Variants in PEX10 observed in about 807,000 individuals in gnomAD.
PEX10 encodes peroxisome biogenesis factor 10.
Under a neutral mutation model 38.0 loss-of-function variants are expected in PEX10, and 32 were observed. That is an observed-to-expected ratio of 0.84 (90% CI 0.63 to 1.13). The LOEUF (loss-of-function observed/expected upper bound fraction) is 1.13. Among genes scored for constraint, PEX10 ranks in the 50% most tolerant of loss-of-function variants. PEX10 has a pLI of 0.00. For synonymous variants in PEX10, 206 were observed against 207.3 expected, an observed-to-expected ratio of 0.99 and a Z score of 0.05; for missense variants, 483 against 457.7, an observed-to-expected ratio of 1.06 and a Z score of -0.51.
Position 2,409,521 on chromosome 1 carries a change from C to T in PEX10, c.194-663G>A, listed in dbSNP as rs1643117049. On this transcript the variant is annotated intron_variant, in intron 2 of 5. Transcript: ENST00000447513. The surrounding 1 kb of genome is among the most constrained non-coding windows in gnomAD (Gnocchi z 6.2). ...CTGCCGCCCCTGCTCTGTACCACCA[C>T]CATCCTGTGGGGGACTGTCACAGCC... Among the ~76,000 whole-genome samples, 2 of 152,212 alleles carry T rather than the reference C, an allele frequency of 1.3e-5. No homozygotes were observed. Among genetic ancestry groups the T allele is most frequent in the South Asian group, 4.1e-4 (2 of 4,836 alleles).
chr1:2,406,387 G>A, intron 5 of PEX10, 97 bp downstream of exon 5: 1 of 1,512,490 alleles, frequency 6.6e-7, no homozygotes, highest in African/African-American at 1.4e-5. Context: ...AAACTGGAGG[G>A]TGCTCAGAGC....
At chr1:2,408,907 G>A (rs1029570990) in intron 2 of PEX10, 49 bp from the exon 3 acceptor site, 1 of 1,592,032 alleles carries the variant, frequency 6.3e-7, no homozygotes, top group Non-Finnish European at 8.6e-7. Context: ...CTGCCGCGGG[G>A]ACAGGCTCCC....
intron 4 of PEX10, 38 bp downstream of exon 4, chr1:2,406,682 G>C (rs1643014479): frequency 6.2e-7 from 1 of 1,610,698 alleles, no homozygotes; most frequent in African/African-American, 1.3e-5. Flanking sequence ...GAAGTGCCCA[G>C]GACACCCCCA....
chr1:2,411,577 T>A (rs1362247488), intron 1 of PEX10, among the ~76,000 whole-genome samples: 2 of 151,556 alleles, frequency 1.3e-5, no homozygotes, highest in East Asian at 3.9e-4. Context: ...TCTGGCCCCG[T>A]CGCCCAGGCT....
rs916827716 is a variant in PEX10 at position 2,405,553 on chromosome 1, A to G, written c.*213T>C. 3 of 670,412 alleles carry G rather than the reference A, an allele frequency of 4.5e-6. No individual in the cohort carries two copies. The highest frequency in any genetic ancestry group is 3.6e-5 in the African/African-American group (2 of 56,320). 41.5% of individuals were successfully genotyped at this position (670,412 alleles called of 1,614,324 possible). A position where few individuals can be genotyped will look rare whatever the true frequency, so the allele number is the denominator to read the frequency against. Reference sequence around the variant, plus strand: ...AGTCCTACCAGGTTGGGGTTAGGGAAATGTTCTGGGTTCAGGCGCCCCTCC... The same window carrying G: ...AGTCCTACCAGGTTGGGGTTAGGGAGATGTTCTGGGTTCAGGCGCCCCTCC... On this transcript the variant is annotated 3_prime_UTR_variant, in exon 6 of 6. Coordinates refer to ENST00000447513, the MANE Select transcript of PEX10 (RefSeq NM_002617.4).
In PEX10 at chr1:2,412,410, G is replaced by C. The variant is rs1027184356; in HGVS notation, c.93C>G (p.Gly31=). 4 of 1,404,868 alleles carry C rather than the reference G, an allele frequency of 2.8e-6. No homozygotes were observed. The highest frequency in any genetic ancestry group is 3.1e-5 in the East Asian group (1 of 32,516). The allele number at this position is 1,404,868 out of a possible 1,614,324, so 87.0% of individuals were successfully genotyped here. A position where few individuals can be genotyped will look rare whatever the true frequency, so the allele number is the denominator to read the frequency against. ...YRGGLRSAAG[G]ALHSLAGARK... ...CCTCACCCGCCAGGCTGTGCAGGGCGCCGCCCGCCGCGCTCCGCAGCCCAC... is the reference window on the plus strand; with the variant it reads ...CCTCACCCGCCAGGCTGTGCAGGGCCCCGCCCGCCGCGCTCCGCAGCCCAC... The change falls in exon 1 of 6, where the codon GGC becomes GGG. Residue 31 remains glycine (G), a synonymous_variant. Coordinates refer to ENST00000447513, the MANE Select transcript of PEX10 (RefSeq NM_002617.4).
chr1:2,408,352 G>T, intron 3 of PEX10, 100 bp downstream of exon 3: 1 of 1,277,386 alleles, frequency 7.8e-7, no homozygotes, highest in Non-Finnish European at 1.1e-6. Context: ...GAACCCTGTT[G>T]GCTGAGAGGC....
Position 2,409,948 on chromosome 1 carries a change from GGTTGGGAGCCT to G in PEX10, c.193+412_193+422del. 1 of 254,870 alleles carries G rather than the reference GGTTGGGAGCCT, an allele frequency of 3.9e-6. No homozygotes were observed. Among genetic ancestry groups the G allele is most frequent in the Non-Finnish European group, 7.9e-6 (1 of 126,610 alleles). The allele number at this position is 254,870 out of a possible 1,614,324, so 15.8% of individuals were successfully genotyped here. A position where few individuals can be genotyped will look rare whatever the true frequency, so the allele number is the denominator to read the frequency against. On this transcript the variant is annotated intron_variant, in intron 2 of 5. Coordinates refer to ENST00000447513, the MANE Select transcript of PEX10 (RefSeq NM_002617.4). This position sits in a 1 kb window ranked among gnomAD's most constrained non-coding sequence, Gnocchi z 6.2. The stretch of plus-strand genomic sequence containing the variant: ...TGGTCCTTGCTACATGCTGAGCTGG[GGTTGGGAGCCT>G]GAGAGCTTCTGTCAACAACTCCCTC...
upstream of PEX10, among the ~76,000 whole-genome samples, chr1:2,412,775 G>C (rs1330975066): frequency 2.0e-5 from 3 of 151,916 alleles, no homozygotes; most frequent in East Asian, 1.9e-4. Context: ...AGCCGAGGTG[G>C]GGGCGGGGCA....
In PEX10 at chr1:2,406,750, C is replaced by A; in HGVS notation, c.746G>T (p.Trp249Leu). 1 of 1,609,724 alleles carries A rather than the reference C, an allele frequency of 6.2e-7. No homozygotes were observed. The highest frequency in any genetic ancestry group is 8.5e-7 in the Non-Finnish European group (1 of 1,178,678). Residue 249 changes from tryptophan to leucine, a missense_variant, in exon 4 of 6, where the codon TGG becomes TTG. By Grantham distance (61) the Trp-to-Leu change is moderately conservative (BLOSUM62 -2). Coordinates refer to ENST00000447513, the MANE Select transcript of PEX10 (RefSeq NM_002617.4). ...FRQRQRARKE[W>L]RLHRGLSHRR... is the part of the protein sequence containing the mutation. ...GTGAGACAGGCCGCGGTGCAGCCTCCACTCCTTCCTGGCTCGCTGCCGCTG... is the reference window on the plus strand; with the variant it reads ...GTGAGACAGGCCGCGGTGCAGCCTCAACTCCTTCCTGGCTCGCTGCCGCTG...
chr1:2,408,965 T>A, intron 2 of PEX10, 107 bp from the exon 3 acceptor site: 1 of 1,130,270 alleles, frequency 8.8e-7, no homozygotes, highest in South Asian at 1.3e-5. Context: ...AACAGCCCCA[T>A]CTTGTCGCCC....
At position 2,406,793 on chromosome 1, in the gene PEX10, G is replaced by A. The variant is rs1295555837; in HGVS notation, c.703C>T (p.Gln235Ter). Reference sequence around the variant, plus strand: ...TGCCGCTGCCTGAAACCGTACAGCTGCAGCCCCATGGACAGCACCAGGTGC... The same window carrying A: ...TGCCGCTGCCTGAAACCGTACAGCTACAGCCCCATGGACAGCACCAGGTGC... ...LLHLVLSMGL[Q>*]LYGFRQRQRA... Residue 235 changes from glutamine (Q) to a stop codon, truncating the protein, a stop_gained, in exon 4 of 6, where the codon CAG becomes TAG. Transcript: ENST00000447513. LOFTEE classifies it high-confidence loss of function. The A allele has an allele frequency of 2.5e-6, 4 of 1,610,758 alleles. No homozygotes were observed. Among genetic ancestry groups the A allele is most frequent in the Non-Finnish European group, 3.4e-6 (4 of 1,179,032 alleles).
rs539764213 is a variant in PEX10 at position 2,410,135 on chromosome 1, G to A, written c.193+236C>T. The A allele has an allele frequency of 2.7e-5, 14 of 523,100 alleles. No homozygotes were observed. Among genetic ancestry groups the A allele is most frequent in the Admixed American group, 1.2e-4 (4 of 32,678 alleles). The allele number at this position is 523,100 out of a possible 1,614,324, so 32.4% of individuals were successfully genotyped here. A position where few individuals can be genotyped will look rare whatever the true frequency, so the allele number is the denominator to read the frequency against. On this transcript the variant is annotated intron_variant, in intron 2 of 5. Transcript: ENST00000447513. This position sits in a 1 kb window ranked among gnomAD's most constrained non-coding sequence, Gnocchi z 5.1. ...TGAGAAATGGGTCTCAGTGGCACCC[G>A]GGGTAAAGTCTTAAACAAAGAACCC... is the stretch of plus-strand genomic sequence containing the variant.
In PEX10 at chr1:2,410,204, C is replaced by G; in HGVS notation, c.193+167G>C. 3 of 670,916 alleles carry G rather than the reference C, an allele frequency of 4.5e-6. No individual in the cohort carries two copies. Among genetic ancestry groups the G allele is most frequent in the Non-Finnish European group, 2.7e-6 (1 of 366,382 alleles). 41.6% of individuals were successfully genotyped at this position (670,916 alleles called of 1,614,324 possible). ...GGAAAAGTCGGCTCCCTGCTGGGAGCAGATGCCTCGCCTCCCTCGGAGCAG... is the reference window on the plus strand; with the variant it reads ...GGAAAAGTCGGCTCCCTGCTGGGAGGAGATGCCTCGCCTCCCTCGGAGCAG... On this transcript the variant is annotated intron_variant, in intron 2 of 5. Coordinates refer to ENST00000447513, the MANE Select transcript of PEX10 (RefSeq NM_002617.4). This position sits in a 1 kb window ranked among gnomAD's most constrained non-coding sequence, Gnocchi z 5.1.
At chr1:2,406,686 A>G (rs1570099455) in intron 4 of PEX10, 34 bp downstream of exon 4, 1 of 1,609,946 alleles carries the variant, frequency 6.2e-7, no homozygotes, top group Non-Finnish European at 8.5e-7. Flanking sequence ...TGCCCAGGAC[A>G]CCCCCAGCCC....
Position 2,405,723 on chromosome 1 carries a change from TC to T in PEX10, c.*42del, listed in dbSNP as rs753621056. The T allele has an allele frequency of 5.2e-5, 78 of 1,514,144 alleles. 3 individuals are homozygous for T. In the South Asian group the frequency reaches 8.7e-4, roughly 17 times the overall value. The allele number at this position is 1,514,144 out of a possible 1,614,324, so 93.8% of individuals were successfully genotyped here. A position where few individuals can be genotyped will look rare whatever the true frequency, so the allele number is the denominator to read the frequency against. On this transcript the variant is annotated 3_prime_UTR_variant, in exon 6 of 6. Transcript: ENST00000447513. ...TGAGACTAAATCTTGGCGTTCAGAC[TC>T]CCGTAGAGGTCATCTGTGTCCAGGC...
rs1642945684 is a variant in PEX10, at chr1:2,404,869, A to G, written c.*897T>C. On this transcript the variant is annotated 3_prime_UTR_variant, in exon 6 of 6. Transcript: ENST00000447513. Reference sequence around the variant, plus strand: ...ATGCCTACGGTGAACTCTCTGGCGCAGGTTAAATGCAGTTTTGAAAACCTG... The same window carrying G: ...ATGCCTACGGTGAACTCTCTGGCGCGGGTTAAATGCAGTTTTGAAAACCTG... The G allele has an allele frequency of 6.5e-6, 1 of 152,766 alleles. No homozygotes were observed. Among genetic ancestry groups the G allele is most frequent in the African/African-American group, 2.4e-5 (1 of 41,480 alleles). The allele number at this position is 152,766 out of a possible 1,614,324, so 9.5% of individuals were successfully genotyped here.
chr1:2,408,670 G>T lies in PEX10; in HGVS notation c.382C>A (p.Gln128Lys). The change falls in exon 3 of 6, where the codon CAG becomes AAG. Residue 128 changes from glutamine (Q) to lysine (K), a missense_variant. Transcript: ENST00000447513. ...CGCCCACCTGGCCCCAGGCTCCCCTGCAAGGGTCGCCCACTGTCGGGGTCA... is the reference window on the plus strand; with the variant it reads ...CGCCCACCTGGCCCCAGGCTCCCCTTCAAGGGTCGCCCACTGTCGGGGTCA... ...QADPDSGRPL[Q>K]GSLGPGGRGC... 6.2e-7 allele frequency: 1 copy of T among 1,612,052 alleles called. No individual in the cohort carries two copies. Among genetic ancestry groups the T allele is most frequent in the South Asian group, 1.1e-5 (1 of 90,996 alleles).
In PEX10 at chr1:2,405,809, T is replaced by G; in HGVS notation, c.938A>C (p.Lys313Thr). 1 of 1,601,026 alleles carries G rather than the reference T, an allele frequency of 6.2e-7. No homozygotes were observed. The highest frequency in any genetic ancestry group is 8.5e-7 in the Non-Finnish European group (1 of 1,174,306). Residue 313 changes from lysine (K) to threonine (T), a missense_variant, in exon 6 of 6, where the codon AAG becomes ACG. Transcript: ENST00000447513. ...SKAECPLCRE[K>T]FPPQKLIYLR... is the part of the protein sequence containing the mutation. ...GTAGATGAGCTTCTGGGGAGGGAACTTCTCCCGGCAGAGGGGACACTCCGC... is the reference window on the plus strand; with the variant it reads ...GTAGATGAGCTTCTGGGGAGGGAACGTCTCCCGGCAGAGGGGACACTCCGC...
Sources: allele counts gnomAD v4.1 joint callset (sites outside exome capture counted in the v4.1 genomes callset), GRCh38; gene constraint gnomAD v4.1.1; non-coding constraint Gnocchi (gnomAD v3.1); transcripts MANE v1.5; gene names NCBI Gene and HGNC (gene_info 2026-07-23, HGNC 2026-07-21).